The following HCK variants were observed in gnomAD, a reference collection of about 807,000 sequenced individuals.
HCK encodes the protein tyrosine-protein kinase HCK.
In HCK, 40 loss-of-function variants were observed where a neutral mutation model predicts 70.4. That is an observed-to-expected ratio of 0.57 (90% confidence interval 0.44 to 0.74). HCK has a LOEUF of 0.74. Among genes scored for constraint, HCK ranks in the 30% least tolerant of loss-of-function variants. The probability of loss-of-function intolerance (pLI) is 0.00; values close to 1 mark genes in which losing one functional copy is unlikely to be tolerated. For missense variants in HCK, 568 were observed against 697.2 expected, an observed-to-expected ratio of 0.81 and a Z score of 2.09; for synonymous variants, 245 against 263.2, an observed-to-expected ratio of 0.93 and a Z score of 0.67.
At chr20:32,063,412 C>G (rs1340948043) in intron 1 of HCK, among the ~76,000 whole-genome samples, 3 of 152,124 alleles carry the variant, frequency 2.0e-5, no homozygotes, top group Non-Finnish European at 4.4e-5. Context: ...GCCGCCATGC[C>G]TGGCTAATTT....
rs185250795 is a variant in HCK, at chr20:32,100,448, G to A, written c.1379-869G>A. Among the ~76,000 whole-genome samples, 4 of 152,254 alleles carry A rather than the reference G, an allele frequency of 2.6e-5. No individual in the cohort carries two copies. In the East Asian group the frequency reaches 7.7e-4, roughly 29 times the overall value. On this transcript the variant is annotated intron_variant, in intron 12 of 12. Coordinates refer to ENST00000375852, the MANE Select transcript of HCK (RefSeq NM_002110.5). Reference sequence around the variant, plus strand: ...TACGTTTCAAAAGGAGAAAAGATCTGACTTGCTGACTTAGGAGGTGAGAGA... The same window carrying A: ...TACGTTTCAAAAGGAGAAAAGATCTAACTTGCTGACTTAGGAGGTGAGAGA...
At chr20:32,068,546 C>G (rs1374320851) in intron 1 of HCK, among the ~76,000 whole-genome samples, 1 of 152,128 alleles carries the variant, frequency 6.6e-6, no homozygotes, top group Admixed American at 6.6e-5. Context: ...CCAGTCCACA[C>G]CAGGCAGCAG....
chr20:32,092,823 T>C (rs2045881984), intron 10 of HCK, among the ~76,000 whole-genome samples: 1 of 152,208 alleles, frequency 6.6e-6, no homozygotes, highest in African/African-American at 2.4e-5. Flanking sequence ...AATATTCTTA[T>C]GCGACACACT....
At chr20:32,094,860 A>G (rs2045933828) in intron 11 of HCK, among the ~76,000 whole-genome samples, 1 of 151,842 alleles carries the variant, frequency 6.6e-6, no homozygotes, top group African/African-American at 2.4e-5. Context: ...AAAAGAAAGA[A>G]AGAGGCACAA....
chr20:32,092,523 C>A (rs118156741), intron 10 of HCK, among the ~76,000 whole-genome samples: 2 of 152,276 alleles, frequency 1.3e-5, no homozygotes, highest in East Asian at 3.9e-4. Context: ...GAATCCTCCA[C>A]GCAGTCTGTT....
rs555647359 is a variant in HCK at position 32,060,020 on chromosome 20, G to T, written c.62+7534G>T. Among the ~76,000 whole-genome samples the T allele has an allele frequency of 2.0e-5, 3 of 152,202 alleles. No individual in the cohort carries two copies. The South Asian group carries it at 6.2e-4, about 32-fold the overall frequency. ...CCATTTGTGGAGGACAGGTTTGGGG[G>T]CAGCTGATCTCTCAGTACCACGGCA... On this transcript the variant is annotated intron_variant, in intron 1 of 12. Transcript: ENST00000375852.
intron 10 of HCK, among the ~76,000 whole-genome samples, chr20:32,090,756 A>T (rs964151275): frequency 6.6e-6 from 1 of 151,982 alleles, no homozygotes; most frequent in Non-Finnish European, 1.5e-5. Context: ...GGCCCAATAA[A>T]CCTACTCGTT....
intron 1 of HCK, among the ~76,000 whole-genome samples, chr20:32,056,041 A>C (rs2045265856): frequency 6.6e-6 from 1 of 152,240 alleles, no homozygotes; most frequent in Non-Finnish European, 1.5e-5. Context: ...CATTGTATGG[A>C]TATTCCACAG....
At chr20:32,096,730 G>A (rs1361704173) in intron 11 of HCK, among the ~76,000 whole-genome samples, 1 of 151,966 alleles carries the variant, frequency 6.6e-6, no homozygotes, top group African/African-American at 2.4e-5. Flanking sequence ...TCAAACTCCT[G>A]GACTTACGTG....
At chr20:32,092,875 CT>C (rs2045882717) in intron 10 of HCK, among the ~76,000 whole-genome samples, 1 of 152,182 alleles carries the variant, frequency 6.6e-6, no homozygotes, top group Admixed American at 6.5e-5. Context: ...ATCTCACCCC[CT>C]CAAAGCAGGT....
intron 12 of HCK, among the ~76,000 whole-genome samples, chr20:32,099,359 T>A (rs2046001669): frequency 7.1e-6 from 1 of 140,352 alleles, no homozygotes; most frequent in African/African-American, 2.8e-5. Flanking sequence ...ACTTTTTTTT[T>A]TTTTTTTTTT....
At chr20:32,055,594 T>C (rs957157236) in intron 1 of HCK, among the ~76,000 whole-genome samples, 3 of 152,264 alleles carry the variant, frequency 2.0e-5, no homozygotes, top group Non-Finnish European at 4.4e-5. Flanking sequence ...GCCTGTATTA[T>C]AATTTGCTTA....
intron 5 of HCK, among the ~76,000 whole-genome samples, chr20:32,075,706 TCATCCATCCATCCATC>T (rs56660439): frequency 6.7e-6 from 1 of 150,358 alleles, no homozygotes; most frequent in African/African-American, 2.5e-5. Context: ...ATCCATCCAT[TCATCCATCCATCCATC>T]CATCCATCCA....
rs565522430 is a variant in HCK at position 32,056,149 on chromosome 20, A to G, written c.62+3663A>G. On this transcript the variant is annotated intron_variant, in intron 1 of 12. Transcript: ENST00000375852. The stretch of plus-strand genomic sequence containing the variant: ...TATGAGCATGCATGTGCATACATGT[A>G]TTTGTTTGAGCACCTGTTTTCAATT... Among the ~76,000 whole-genome samples, 20 of 152,336 alleles carry G rather than the reference A, an allele frequency of 1.3e-4. No homozygotes were observed. In the South Asian group the frequency reaches 4.1e-3, roughly 32 times the overall value.
intron 9 of HCK, 28 bp downstream of exon 9, chr20:32,086,835 G>T: frequency 1.9e-6 from 3 of 1,558,442 alleles, no homozygotes; most frequent in Non-Finnish European, 2.6e-6. Flanking sequence ...TGGGGGTGCA[G>T]GCTGTGGCCT....
intron 5 of HCK, among the ~76,000 whole-genome samples, chr20:32,077,739 TG>T (rs2045647507): frequency 6.6e-6 from 1 of 152,230 alleles, no homozygotes; most frequent in Admixed American, 6.5e-5. Context: ...TTGGTCAGGC[TG>T]GTCTCGAACT....
At chr20:32,076,851 C>T (rs2045634548) in intron 5 of HCK, among the ~76,000 whole-genome samples, 1 of 151,974 alleles carries the variant, frequency 6.6e-6, no homozygotes, top group South Asian at 2.1e-4. Context: ...TTTGGGAAGC[C>T]GAGGGAGGTG....
Position 32,055,086 on chromosome 20 carries a change from T to C in HCK, c.62+2600T>C, listed in dbSNP as rs545055783. ...ACAATATTGACAGGAGCATCCTGGA[T>C]GTGTAGCTTTCGGCCCATGTACAGG... On this transcript the variant is annotated intron_variant, in intron 1 of 12. Coordinates refer to ENST00000375852, the MANE Select transcript of HCK (RefSeq NM_002110.5). Among the ~76,000 whole-genome samples the C allele has an allele frequency of 1.2e-4, 18 of 152,332 alleles. No homozygotes were observed. The East Asian group carries it at 3.5e-3, about 29-fold the overall frequency.
intron 10 of HCK, among the ~76,000 whole-genome samples, chr20:32,088,902 G>C (rs1238456555): frequency 1.3e-5 from 2 of 152,128 alleles, no homozygotes; most frequent in African/African-American, 4.8e-5. Context: ...CTAGTAGCTT[G>C]AAACAACAGC....
Sources: gnomAD v4.1 joint callset for allele counts (sites outside exome capture counted in the v4.1 genomes callset) on GRCh38, gnomAD v4.1.1 for gene constraint, MANE v1.5 for transcripts, NCBI Gene and HGNC (gene_info 2026-07-23, HGNC 2026-07-21) for gene names.